RAD51B: variants seen among roughly 807,000 people sequenced by gnomAD.
RAD51B encodes RAD51 paralog B, also known as DNA repair protein RAD51 homolog 2.
A neutral mutation model predicts 42.2 loss-of-function variants in RAD51B; 38 were observed. The ratio of observed to expected loss-of-function variants is 0.90; its 90% CI spans 0.70 to 1.18. RAD51B has a LOEUF of 1.18. Among genes scored for constraint, RAD51B ranks in the 50% most tolerant of loss-of-function variants. RAD51B has a pLI of 0.00. For synonymous variants in RAD51B, 154 were observed against 145.2 expected (o/e 1.06, Z -0.43); for missense variants, 373 against 400.7 (o/e 0.93, Z 0.59).
chr14:67,893,503 C>A (rs1374758148), intron 7 of RAD51B, among the ~76,000 whole-genome samples: 30,444 of 96,434 alleles, frequency 0.32, 5,197 homozygotes, highest in Middle Eastern at 0.41. Flanking sequence ...CACACACACA[C>A]ACACACAAAA....
At chr14:68,594,671 C>T (rs1319071174) in exon 11 of RAD51B, 1 of 1,277,864 alleles carries the variant, frequency 7.8e-7, no homozygotes, top group African/African-American at 1.5e-5. Context: ...TCAAGAGATC[C>T]ACCCACCTCA....
At chr14:68,207,230 A>T (rs2140937456) in intron 7 of RAD51B, among the ~76,000 whole-genome samples, 1 of 152,190 alleles carries the variant, frequency 6.6e-6, no homozygotes, top group African/African-American at 2.4e-5. Flanking sequence ...ACACACATAC[A>T]TATATATATA....
intron 7 of RAD51B, among the ~76,000 whole-genome samples, chr14:68,236,714 A>G (rs552975987): frequency 6.6e-6 from 1 of 152,362 alleles, no homozygotes; most frequent in Admixed American, 6.5e-5. Context: ...ATCAAAGGCT[A>G]GTAAAACACT....
chr14:68,605,240 T>G (rs537143360), intron 10 of RAD51B, among the ~76,000 whole-genome samples: 2 of 152,262 alleles, frequency 1.3e-5, no homozygotes, highest in Non-Finnish European at 2.9e-5. Flanking sequence ...GCCTGTGTTA[T>G]ATGTAAAATA....
chr14:67,993,192 G>A (rs1243191258), intron 7 of RAD51B, among the ~76,000 whole-genome samples: 2 of 152,026 alleles, frequency 1.3e-5, no homozygotes, highest in African/African-American at 2.4e-5. Context: ...ATGCTTGAGG[G>A]TATGGATACC....
intron 4 of RAD51B, among the ~76,000 whole-genome samples, chr14:67,851,364 G>C (rs775516711): frequency 1.3e-5 from 2 of 151,250 alleles, no homozygotes; most frequent in East Asian, 1.9e-4. Context: ...GCACTTAGGC[G>C]GTGGGAGCCC....
chr14:68,054,250 CT>C (rs1438307076), intron 7 of RAD51B, among the ~76,000 whole-genome samples: 1 of 152,076 alleles, frequency 6.6e-6, no homozygotes, highest in Non-Finnish European at 1.5e-5. Flanking sequence ...TGTCATGCCT[CT>C]TAATCTTTAG....
At chr14:68,541,321 C>G (rs1594956682) in intron 10 of RAD51B, 13 of 985,356 alleles carry the variant, frequency 1.3e-5, no homozygotes, top group South Asian at 4.7e-5. Flanking sequence ...AGAACTGGCT[C>G]TAACAGGCTA....
intron 7 of RAD51B, among the ~76,000 whole-genome samples, chr14:68,243,313 A>T (rs1049315064): frequency 6.6e-6 from 1 of 152,088 alleles, no homozygotes; most frequent in Non-Finnish European, 1.5e-5. Context: ...CATTATTCAT[A>T]TTTTTCCCTA....
At chr14:68,464,210 T>G (rs2085918361) in intron 9 of RAD51B, among the ~76,000 whole-genome samples, 1 of 152,218 alleles carries the variant, frequency 6.6e-6, no homozygotes, top group Admixed American at 6.5e-5. Flanking sequence ...TTTTGTCTTC[T>G]GTTACCTTCC....
intron 10 of RAD51B, among the ~76,000 whole-genome samples, chr14:68,475,727 C>T (rs555943180): frequency 4.6e-5 from 7 of 151,760 alleles, no homozygotes; most frequent in Non-Finnish European, 8.8e-5. Context: ...GTTGAAATAA[C>T]ATTATTGAGA....
At chr14:68,121,256 C>G (rs1219744356) in intron 7 of RAD51B, among the ~76,000 whole-genome samples, 1 of 152,176 alleles carries the variant, frequency 6.6e-6, no homozygotes, top group Non-Finnish European at 1.5e-5. Context: ...GCTTTGCAAC[C>G]AGACTTAGCA....
At chr14:68,593,711 G>A (rs1051316547) in intron 10 of RAD51B, among the ~76,000 whole-genome samples, 2 of 152,174 alleles carry the variant, frequency 1.3e-5, no homozygotes, top group Non-Finnish European at 2.9e-5. Context: ...CTAATTATGG[G>A]CACAAAGAGA....
intron 7 of RAD51B, among the ~76,000 whole-genome samples, chr14:68,134,094 T>C (rs1226783629): frequency 6.6e-6 from 1 of 152,212 alleles, no homozygotes; most frequent in African/African-American, 2.4e-5. Context: ...TGCCACATCC[T>C]GCTAGCCACA....
chr14:68,416,122 A>G (rs899467517), intron 9 of RAD51B, among the ~76,000 whole-genome samples: 1 of 152,226 alleles, frequency 6.6e-6, no homozygotes, highest in Non-Finnish European at 1.5e-5. Context: ...CTGCTGATCC[A>G]CACTTGAATC....
intron 9 of RAD51B, among the ~76,000 whole-genome samples, chr14:68,448,782 T>A (rs2085482775): frequency 6.6e-6 from 1 of 152,130 alleles, no homozygotes; most frequent in African/African-American, 2.4e-5. Context: ...TGATGGAGAA[T>A]GGCAGAGCAC....
At chr14:68,580,147 A>G (rs1458361289) in intron 10 of RAD51B, among the ~76,000 whole-genome samples, 17 of 152,160 alleles carry the variant, frequency 1.1e-4, no homozygotes, top group Admixed American at 1.1e-3. Context: ...CCAGGACAAA[A>G]CAGGGCCCGG....
At chr14:68,682,748 G>A (rs1893459366) in intron 11 of RAD51B, among the ~76,000 whole-genome samples, 1 of 152,088 alleles carries the variant, frequency 6.6e-6, no homozygotes, top group African/African-American at 2.4e-5. Flanking sequence ...GGGACGTGGG[G>A]GTGGAAGAAG....
At chr14:68,123,236 G>A (rs2077688905) in intron 7 of RAD51B, among the ~76,000 whole-genome samples, 1 of 138,078 alleles carries the variant, frequency 7.2e-6, no homozygotes, top group Admixed American at 7.9e-5. Flanking sequence ...CCTCCAGACT[G>A]GAGTGCAGTG....
Sources: gnomAD v4.1 joint callset for allele counts (sites outside exome capture counted in the v4.1 genomes callset) on GRCh38, gnomAD v4.1.1 for gene constraint, MANE v1.5 for transcripts, NCBI Gene and HGNC (gene_info 2026-07-23, HGNC 2026-07-21) for gene names.